KHDRBS2: variants seen among roughly 807,000 people sequenced by gnomAD.
The protein encoded by KHDRBS2 is KH RNA binding domain containing, signal transduction associated 2.
Under a neutral mutation model 44.3 loss-of-function variants are expected in KHDRBS2, and 26 were observed. The ratio of observed to expected loss-of-function variants is 0.59; its 90% CI spans 0.43 to 0.81. KHDRBS2 has a LOEUF of 0.81. Ranked by LOEUF, KHDRBS2 falls within the 40% of genes least tolerant of loss-of-function variation. KHDRBS2 has a pLI of 0.00. For missense variants in KHDRBS2, 476 were observed against 433.1 expected, an observed-to-expected ratio of 1.10 and a Z score of -0.88; for synonymous variants, 194 against 151.1, an observed-to-expected ratio of 1.28 and a Z score of -2.08.
At chr6:61,789,916 T>C (rs553861398) in intron 6 of KHDRBS2, among the ~76,000 whole-genome samples, 8 of 151,624 alleles carry the variant, frequency 5.3e-5, no homozygotes, top group African/African-American at 1.9e-4. Flanking sequence ...GGCTCAATTA[T>C]TAATTAGGAA....
intron 4 of KHDRBS2, among the ~76,000 whole-genome samples, chr6:61,972,881 G>C (rs577674782): frequency 6.6e-6 from 1 of 152,244 alleles, no homozygotes; most frequent in South Asian, 2.1e-4. Flanking sequence ...TGTGGCGGCT[G>C]ATGCCTGTCA....
chr6:62,121,255 A>G (rs1487653912), intron 2 of KHDRBS2, among the ~76,000 whole-genome samples: 1 of 152,184 alleles, frequency 6.6e-6, no homozygotes, highest in African/African-American at 2.4e-5. Flanking sequence ...TTAGACCTAC[A>G]TCTACTTAGA....
At chr6:61,858,276 T>C (rs1369357222) in intron 6 of KHDRBS2, among the ~76,000 whole-genome samples, 3 of 151,792 alleles carry the variant, frequency 2.0e-5, no homozygotes, top group Non-Finnish European at 4.4e-5. Flanking sequence ...ATAATGTAAT[T>C]CAACATTTTT....
At chr6:61,716,899 A>G (rs1771530212) in intron 7 of KHDRBS2, among the ~76,000 whole-genome samples, 1 of 152,036 alleles carries the variant, frequency 6.6e-6, no homozygotes, top group South Asian at 2.1e-4. Flanking sequence ...TGAAGCACTG[A>G]TTGTGTATGG....
chr6:62,197,011 A>C (rs1825846557), intron 1 of KHDRBS2, among the ~76,000 whole-genome samples: 1 of 152,094 alleles, frequency 6.6e-6, no homozygotes, highest in African/African-American at 2.4e-5. Flanking sequence ...GCAGTATAAA[A>C]ATCACAGTGT....
chr6:61,901,420 T>C, intron 4 of KHDRBS2, 49 bp from the exon 5 acceptor site: 4 of 1,444,614 alleles, frequency 2.8e-6, no homozygotes, highest in East Asian at 2.4e-5. Flanking sequence ...CATGCCGTTC[T>C]CAGAGTTGGA....
chr6:62,128,699 G>A (rs531856786), intron 2 of KHDRBS2, among the ~76,000 whole-genome samples: 68 of 151,392 alleles, frequency 4.5e-4, no homozygotes, highest in African/African-American at 1.5e-3. Context: ...ATAAATTGAA[G>A]TCATATATTT....
In KHDRBS2 at chr6:61,785,457, T is replaced by C. The variant is rs1320689684; in HGVS notation, c.811-52693A>G. 2.0e-5 allele frequency among the ~76,000 whole-genome samples: 3 copies of C among 152,274 alleles called. No homozygotes were observed. In the East Asian group the frequency reaches 5.8e-4, roughly 29 times the overall value. Reference sequence around the variant, plus strand: ...GTACATACCTTATTACCTAGTAATATATTTTTAGGACTTTATTTCACAAAT... The same window carrying C: ...GTACATACCTTATTACCTAGTAATACATTTTTAGGACTTTATTTCACAAAT... On this transcript the variant is annotated intron_variant, in intron 6 of 8. Coordinates refer to ENST00000281156, the MANE Select transcript of KHDRBS2 (RefSeq NM_152688.4).
chr6:61,733,892 C>T (rs796179041), intron 6 of KHDRBS2, among the ~76,000 whole-genome samples: 13 of 151,824 alleles, frequency 8.6e-5, no homozygotes, highest in South Asian at 2.1e-4. Context: ...CTGGTGCTGG[C>T]GCATCTCTTT....
chr6:61,798,377 A>G (rs1265999781), intron 6 of KHDRBS2, among the ~76,000 whole-genome samples: 1 of 152,146 alleles, frequency 6.6e-6, no homozygotes, highest in Non-Finnish European at 1.5e-5. Flanking sequence ...ATACTGACAA[A>G]GCAGCAAAAA....
At chr6:62,163,413 C>T (rs1818040241) in intron 2 of KHDRBS2, among the ~76,000 whole-genome samples, 1 of 152,024 alleles carries the variant, frequency 6.6e-6, no homozygotes. Flanking sequence ...AGGCATTGAA[C>T]TTTCTTTTCA....
intron 1 of KHDRBS2, among the ~76,000 whole-genome samples, chr6:62,246,104 ATATATATATAT>A (rs1835509226): frequency 3.9e-5 from 1 of 25,854 alleles, no homozygotes; most frequent in African/African-American, 1.7e-4. Flanking sequence ...AATCAATTTT[ATATATATATAT>A]ATATATATAT....
chr6:61,647,475 A>G, the KHDRBS2 span, among the ~76,000 whole-genome samples: 2 of 152,160 alleles, frequency 1.3e-5, no homozygotes, highest in African/African-American at 2.4e-5. Flanking sequence ...CAGAACTCCA[A>G]TGTTTGTTAA....
intron 6 of KHDRBS2, among the ~76,000 whole-genome samples, chr6:61,781,257 A>G (rs1221635741): frequency 6.6e-6 from 1 of 152,058 alleles, no homozygotes; most frequent in Non-Finnish European, 1.5e-5. Context: ...GTAACTCTCA[A>G]CTCCATATTT....
intron 1 of KHDRBS2, among the ~76,000 whole-genome samples, chr6:62,209,536 G>C (rs1408628430): frequency 9.5e-6 from 1 of 104,950 alleles, no homozygotes; most frequent in African/African-American, 4.4e-5. Context: ...TACACAGATT[G>C]CCATTTAGAA....
intron 4 of KHDRBS2, among the ~76,000 whole-genome samples, chr6:61,925,509 A>G (rs999824794): frequency 1.3e-5 from 2 of 152,086 alleles, no homozygotes; most frequent in African/African-American, 4.8e-5. Context: ...TGAGCCCAGG[A>G]GTTCAAGGCC....
intron 6 of KHDRBS2, among the ~76,000 whole-genome samples, chr6:61,778,996 T>G (rs1782522098): frequency 6.6e-6 from 1 of 152,144 alleles, no homozygotes; most frequent in Non-Finnish European, 1.5e-5. Context: ...CTTTCTATTT[T>G]GCTCATTGCC....
Position 61,697,695 on chromosome 6 carries a change from T to C in KHDRBS2, c.894-442A>G, listed in dbSNP as rs183342917. ...TATTTATAATCCCCTTTATCCCTTT[T>C]ACATCATGTCTGTGCACTCCCCAAA... On this transcript the variant is annotated intron_variant, in intron 7 of 8. Transcript: ENST00000281156. 2.2e-3 allele frequency among the ~76,000 whole-genome samples: 341 copies of C among 152,284 alleles called. 1 individual carries two copies. The highest frequency in any genetic ancestry group is 8.0e-3 in the African/African-American group (332 of 41,580).
At chr6:61,810,011 C>T (rs1482271197) in intron 6 of KHDRBS2, among the ~76,000 whole-genome samples, 1 of 151,864 alleles carries the variant, frequency 6.6e-6, no homozygotes, top group East Asian at 1.9e-4. Flanking sequence ...ACTGGAGGTC[C>T]CACAGGGTCT....
Sources: gnomAD v4.1 joint callset for allele counts (sites outside exome capture counted in the v4.1 genomes callset) on GRCh38, gnomAD v4.1.1 for gene constraint, MANE v1.5 for transcripts, NCBI Gene and HGNC (gene_info 2026-07-23, HGNC 2026-07-21) for gene names.